TP53BP1: variants seen among roughly 807,000 people sequenced by gnomAD.
TP53BP1 encodes the protein TP53-binding protein 1.
Under a neutral mutation model 200.8 loss-of-function variants are expected in TP53BP1, and 61 were observed. The ratio of observed to expected loss-of-function variants is 0.30; its 90% CI spans 0.25 to 0.38. TP53BP1 has a LOEUF of 0.38. TP53BP1 is among the 10% of genes least tolerant of loss of function. TP53BP1 has a pLI of 1.00. For missense variants in TP53BP1, 2,144 were observed against 2,371.9 expected (o/e 0.90, Z 2.00); for synonymous variants, 822 against 844.3 (o/e 0.97, Z 0.46).
At chr15:43,454,601 G>A (rs183951061) in intron 12 of TP53BP1, among the ~76,000 whole-genome samples, 5 of 152,108 alleles carry the variant, frequency 3.3e-5, no homozygotes, top group Non-Finnish European at 5.9e-5. Context: ...GACCTCAGGC[G>A]ATCTGCTGGC....
chr15:43,490,168 C>T (rs935631727), intron 4 of TP53BP1, among the ~76,000 whole-genome samples: 1 of 152,124 alleles, frequency 6.6e-6, no homozygotes, highest in African/African-American at 2.4e-5. Context: ...CGGCTCACTG[C>T]AACCTCTGCT....
chr15:43,406,733 A>G lies in TP53BP1; in HGVS notation c.*650T>C. The G allele has an allele frequency of 2.5e-6, 1 of 400,796 alleles. No individual in the cohort carries two copies. Among genetic ancestry groups the G allele is most frequent in the Non-Finnish European group, 4.9e-6 (1 of 203,582 alleles). 24.8% of individuals were successfully genotyped at this position (400,796 alleles called of 1,614,324 possible). On this transcript the variant is annotated 3_prime_UTR_variant, in exon 28 of 28. Transcript: ENST00000382044. ...ATAATAATATTGGGTCTTTGACTAGAACGTGTAACATTTCCAGGTGTTCTC... is the reference window on the plus strand; with the variant it reads ...ATAATAATATTGGGTCTTTGACTAGGACGTGTAACATTTCCAGGTGTTCTC...
At chr15:43,454,793 G>A (rs576170684) in intron 12 of TP53BP1, among the ~76,000 whole-genome samples, 9 of 152,134 alleles carry the variant, frequency 5.9e-5, no homozygotes, top group Middle Eastern at 3.4e-3. Flanking sequence ...ATGCAGTGGC[G>A]TGATCTTGGC....
intron 4 of TP53BP1, among the ~76,000 whole-genome samples, chr15:43,482,402 G>A (rs1016502645): frequency 9.2e-5 from 14 of 152,162 alleles, no homozygotes; most frequent in African/African-American, 3.1e-4. Flanking sequence ...TCGGGAGGCC[G>A]AAGTGGGCGG....
At chr15:43,454,112 G>A (rs1195135840) in intron 12 of TP53BP1, among the ~76,000 whole-genome samples, 2 of 151,622 alleles carry the variant, frequency 1.3e-5, no homozygotes, top group Non-Finnish European at 2.9e-5. Context: ...GGCTGAGGCA[G>A]GAGAATTGCT....
At chr15:43,492,930 C>A in intron 1 of TP53BP1, 107 bp downstream of exon 1, 1 of 1,345,502 alleles carries the variant, frequency 7.4e-7, no homozygotes, top group Non-Finnish European at 1.0e-6. Flanking sequence ...CCTTCCCCGT[C>A]ACCGCCGCCA....
chr15:43,459,274 T>C (rs1201394044), intron 11 of TP53BP1, among the ~76,000 whole-genome samples: 1 of 152,032 alleles, frequency 6.6e-6, no homozygotes, highest in Non-Finnish European at 1.5e-5. Flanking sequence ...GAGGCAGAGG[T>C]TGCAGTGAGG....
chr15:43,482,532 G>A (rs1420678518), intron 4 of TP53BP1, among the ~76,000 whole-genome samples: 1 of 152,186 alleles, frequency 6.6e-6, no homozygotes, highest in Non-Finnish European at 1.5e-5. Context: ...ACTTTGGGAG[G>A]CCGAAACAGG....
chr15:43,477,492 C>A, intron 8 of TP53BP1, 101 bp downstream of exon 8: 3 of 1,221,552 alleles, frequency 2.5e-6, no homozygotes, highest in Non-Finnish European at 3.3e-6. Context: ...AACAAGTCTG[C>A]AAACCTATAA....
Position 43,405,226 on chromosome 15 carries a change from T to G in TP53BP1, c.*2157A>C. On this transcript the variant is annotated 3_prime_UTR_variant, in exon 28 of 28. Coordinates refer to ENST00000382044, the MANE Select transcript of TP53BP1 (RefSeq NM_001141980.3). ...GTTTCGGGATGTGAAAATTTCTGGC[T>G]CATAAATTGAAATAACAGCCACGTT... 4.3e-6 allele frequency: 7 copies of G among 1,614,112 alleles called. No individual in the cohort carries two copies. Among genetic ancestry groups the G allele is most frequent in the Non-Finnish European group, 5.9e-6 (7 of 1,179,978 alleles).
At chr15:43,496,153 C>A (rs985190314), upstream of TP53BP1, among the ~76,000 whole-genome samples, 1 of 152,194 alleles carries the variant, frequency 6.6e-6, no homozygotes, top group Admixed American at 6.5e-5. Flanking sequence ...AGAGAAGGCT[C>A]ATCAGATCTT....
chr15:43,488,720 C>T (rs186787904), intron 4 of TP53BP1, among the ~76,000 whole-genome samples: 105 of 152,148 alleles, frequency 6.9e-4, no homozygotes, highest in Admixed American at 2.9e-3. Context: ...ATGGGGAAAC[C>T]CCATCTCTAC....
intron 12 of TP53BP1, among the ~76,000 whole-genome samples, chr15:43,448,520 TAAAAC>T (rs2046093988): frequency 1.3e-5 from 2 of 152,008 alleles, no homozygotes; most frequent in South Asian, 4.1e-4. Flanking sequence ...TTTTTTCCTT[TAAAAC>T]AAAACAAAAC....
At chr15:43,481,165 T>C (rs2078959309) in intron 4 of TP53BP1, 143 bp from the exon 5 acceptor site, 1 of 846,964 alleles carries the variant, frequency 1.2e-6, no homozygotes, top group African/African-American at 1.7e-5. Context: ...TGCTTCTTTC[T>C]ACAAAAAGCA....
intron 26 of TP53BP1, chr15:43,408,676 G>A: frequency 3.7e-6 from 2 of 538,620 alleles, no homozygotes; most frequent in East Asian, 3.1e-5. Flanking sequence ...TGAGAATATT[G>A]AACCTATATA....
chr15:43,476,444 T>C (rs17782608), intron 8 of TP53BP1, among the ~76,000 whole-genome samples: 2,846 of 152,304 alleles, frequency 0.019, 44 homozygotes, highest in Middle Eastern at 0.037. Context: ...AAAATGCACA[T>C]GACACTTGAT....
chr15:43,475,571 A>C lies in TP53BP1; in HGVS notation c.1079T>G (p.Leu360Arg). The change falls in exon 9 of 28, where the codon CTT becomes CGT. Residue 360 changes from leucine (L) to arginine (R), a missense_variant. By Grantham distance (102) the Leu-to-Arg change is moderately radical. This residue lies in a region of TP53BP1 where 1,700 missense variants were observed against 1,710.3 expected (regional missense o/e 0.99). Transcript: ENST00000382044. ...SGQRSLVQDS[L>R]STNSSDLVAP... ...CTATTTTAGGCTTACTTACGTGGAA[A>C]GACTGTCCTGAACAAGGGACCTCTG... The C allele has an allele frequency of 1.2e-6, 2 of 1,614,118 alleles. No homozygotes were observed. Among genetic ancestry groups the C allele is most frequent in the Non-Finnish European group, 1.7e-6 (2 of 1,179,996 alleles).
chr15:43,421,464 T>C (rs969214647), intron 19 of TP53BP1, among the ~76,000 whole-genome samples: 1 of 152,218 alleles, frequency 6.6e-6, no homozygotes, highest in Admixed American at 6.5e-5. Context: ...TCCTCTACTT[T>C]AGGCTCTGGA....
In TP53BP1 at chr15:43,408,165, T is replaced by C. The variant is rs2044982335; in HGVS notation, c.5601-77A>G. 2.1e-6 allele frequency: 3 copies of C among 1,407,216 alleles called. No individual in the cohort carries two copies. In the Admixed American group the frequency reaches 5.8e-5, roughly 27 times the overall value. The allele number at this position is 1,407,216 out of a possible 1,614,324, so 87.2% of individuals were successfully genotyped here. A position where few individuals can be genotyped will look rare whatever the true frequency, so the allele number is the denominator to read the frequency against. ...CTGCCTTTCTGCAAAGGGACTCATG[T>C]ACATCTGAATGCTTTCAAAAATAAA... On this transcript the variant is annotated intron_variant, in intron 26 of 27. Coordinates refer to ENST00000382044, the MANE Select transcript of TP53BP1 (RefSeq NM_001141980.3).
Sources: allele counts gnomAD v4.1 joint callset (sites outside exome capture counted in the v4.1 genomes callset), GRCh38; gene constraint gnomAD v4.1.1; regional missense constraint gnomAD v4.1.1; transcripts MANE v1.5; gene names NCBI Gene and HGNC (gene_info 2026-07-23, HGNC 2026-07-21).